Variants in OSBPL8 observed in about 807,000 individuals in gnomAD.
The protein encoded by OSBPL8 is oxysterol binding protein like 8.
OSBPL8 carries 59 observed loss-of-function variants against 125.5 expected under a neutral mutation model. The ratio of observed to expected loss-of-function variants is 0.47; its 90% CI spans 0.38 to 0.58. The LOEUF (loss-of-function observed/expected upper bound fraction) is 0.58. Ranked by LOEUF, OSBPL8 falls within the 20% of genes least tolerant of loss-of-function variation. OSBPL8 has a pLI of 0.00. For synonymous variants in OSBPL8, 330 were observed against 338.9 expected, an observed-to-expected ratio of 0.97 and a Z score of 0.29; for missense variants, 758 against 1,047.8, an observed-to-expected ratio of 0.72 and a Z score of 3.82.
intron 14 of OSBPL8, among the ~76,000 whole-genome samples, chr12:76,384,836 G>C (rs1953235927): frequency 6.6e-6 from 1 of 152,166 alleles, no homozygotes; most frequent in African/African-American, 2.4e-5. Context: ...AAAGCTGGCT[G>C]ACAGTTTGAC....
At chr12:76,401,995 G>T (rs1160978882) in intron 6 of OSBPL8, among the ~76,000 whole-genome samples, 4 of 152,058 alleles carry the variant, frequency 2.6e-5, no homozygotes, top group Non-Finnish European at 4.4e-5. Flanking sequence ...CAGAAAAGTT[G>T]CATTTAATGA....
chr12:76,494,058 T>G (rs1228986788), intron 1 of OSBPL8, among the ~76,000 whole-genome samples: 2 of 152,302 alleles, frequency 1.3e-5, no homozygotes, highest in East Asian at 3.9e-4. Context: ...CTGATTTCAT[T>G]GAGTTGTCTG....
At chr12:76,502,482 G>T (rs995578925) in intron 1 of OSBPL8, among the ~76,000 whole-genome samples, 2 of 152,156 alleles carry the variant, frequency 1.3e-5, no homozygotes, top group African/African-American at 2.4e-5. Context: ...TGAGGTGAGC[G>T]ATCCTAATTA....
chr12:76,488,538 T>C (rs1039700210), intron 1 of OSBPL8, among the ~76,000 whole-genome samples: 1 of 152,234 alleles, frequency 6.6e-6, no homozygotes, highest in South Asian at 2.1e-4. Flanking sequence ...TGTCATAGTT[T>C]GGTAACTCTC....
At chr12:76,376,365 A>G (rs527402316) in intron 16 of OSBPL8, among the ~76,000 whole-genome samples, 1 of 152,226 alleles carries the variant, frequency 6.6e-6, no homozygotes, top group Non-Finnish European at 1.5e-5. Context: ...CAGACTATGC[A>G]ATGTTTCTCA....
At chr12:76,496,119 T>G in intron 1 of OSBPL8, among the ~76,000 whole-genome samples, 1 of 152,172 alleles carries the variant, frequency 6.6e-6, no homozygotes, top group East Asian at 1.9e-4. Flanking sequence ...TAACGACACA[T>G]TCTTATTCCC....
intron 16 of OSBPL8, among the ~76,000 whole-genome samples, chr12:76,377,519 T>A (rs1218111983): frequency 6.6e-6 from 1 of 152,250 alleles, no homozygotes; most frequent in East Asian, 1.9e-4. Flanking sequence ...ATTTCTCTAA[T>A]GATCAGTGAT....
rs958846080 is a variant in OSBPL8, at chr12:76,559,638, G to C, written c.-309C>G. 6 of 152,216 alleles carry C rather than the reference G, an allele frequency of 3.9e-5. No individual in the cohort carries two copies. The highest frequency in any genetic ancestry group is 7.3e-5 in the Non-Finnish European group (5 of 68,030). 9.4% of individuals were successfully genotyped at this position (152,216 alleles called of 1,614,324 possible). On this transcript the variant is annotated 5_prime_UTR_variant, in exon 1 of 24. Coordinates refer to ENST00000261183, the MANE Select transcript of OSBPL8 (RefSeq NM_020841.5). Reference sequence around the variant, plus strand: ...GGCCCCGAGGTCCACCAGCCCGGGCGGACCCCCACCTTCCCTCAGTCGGCT... The same window carrying C: ...GGCCCCGAGGTCCACCAGCCCGGGCCGACCCCCACCTTCCCTCAGTCGGCT...
chr12:76,457,841 A>AT (rs1410389204), intron 3 of OSBPL8, among the ~76,000 whole-genome samples: 1 of 152,214 alleles, frequency 6.6e-6, no homozygotes, highest in Admixed American at 6.5e-5. Flanking sequence ...ATGCTATTCT[A>AT]TTTATAAAGC....
At chr12:76,438,106 C>A (rs1871708167) in intron 4 of OSBPL8, among the ~76,000 whole-genome samples, 1 of 151,108 alleles carries the variant, frequency 6.6e-6, no homozygotes, top group Non-Finnish European at 1.5e-5. Flanking sequence ...CCTGCCTCAG[C>A]CTCTCGGGTA....
At chr12:76,450,695 A>G (rs932190041) in intron 4 of OSBPL8, among the ~76,000 whole-genome samples, 156 bp downstream of exon 4, 3 of 152,158 alleles carry the variant, frequency 2.0e-5, no homozygotes, top group African/African-American at 7.2e-5. Context: ...TTTCAAGAGT[A>G]TTATAGATGA....
chr12:76,420,947 C>T, intron 4 of OSBPL8, among the ~76,000 whole-genome samples: 1 of 151,852 alleles, frequency 6.6e-6, no homozygotes, highest in East Asian at 1.9e-4. Context: ...CAAAGCAAAC[C>T]ATTTACTTTT....
chr12:76,478,111 A>G (rs577371107), intron 2 of OSBPL8, among the ~76,000 whole-genome samples: 5 of 152,180 alleles, frequency 3.3e-5, no homozygotes, highest in Non-Finnish European at 7.4e-5. Context: ...CTGAGGTAGA[A>G]GAATTGCTTG....
intron 4 of OSBPL8, among the ~76,000 whole-genome samples, chr12:76,434,594 C>G (rs1158693379): frequency 1.3e-5 from 2 of 152,008 alleles, no homozygotes; most frequent in East Asian, 3.9e-4. Flanking sequence ...ATTTACAAAC[C>G]ATGTATCTAA....
intron 1 of OSBPL8, among the ~76,000 whole-genome samples, chr12:76,509,876 A>G (rs1053398655): frequency 6.6e-6 from 1 of 152,192 alleles, no homozygotes; most frequent in Non-Finnish European, 1.5e-5. Flanking sequence ...AAGCACAGTA[A>G]GTTACCTAAA....
chr12:76,460,495 C>CAAAAAAAAA (rs912554875), intron 2 of OSBPL8, among the ~76,000 whole-genome samples: 1 of 69,388 alleles, frequency 1.4e-5, no homozygotes. Flanking sequence ...TCTCAATTGG[C>CAAAAAAAAA]AAAAAAAAAA....
chr12:76,400,875 G>A (rs1009197411), intron 6 of OSBPL8, among the ~76,000 whole-genome samples: 15 of 147,946 alleles, frequency 1.0e-4, no homozygotes, highest in Admixed American at 3.4e-4. Flanking sequence ...TACAACCTCC[G>A]CCTCCTGGGT....
intron 1 of OSBPL8, among the ~76,000 whole-genome samples, chr12:76,519,625 A>G (rs552426009): frequency 6.6e-6 from 1 of 152,206 alleles, no homozygotes; most frequent in Admixed American, 6.5e-5. Flanking sequence ...TATAAAGAAA[A>G]TATGTTTATT....
At chr12:76,393,710 CAAAAAAAAAAAAA>C (rs11423585) in intron 9 of OSBPL8, among the ~76,000 whole-genome samples, 4 of 52,294 alleles carry the variant, frequency 7.6e-5, no homozygotes, top group Non-Finnish European at 1.0e-4. Context: ...GACTCCGTTT[CAAAAAAAAAAAAA>C]AAAAAAAAAA....
Sources: gnomAD v4.1 joint callset for allele counts (sites outside exome capture counted in the v4.1 genomes callset) on GRCh38, gnomAD v4.1.1 for gene constraint, MANE v1.5 for transcripts, NCBI Gene and HGNC (gene_info 2026-07-23, HGNC 2026-07-21) for gene names.